The following GLIS3 variants were observed in gnomAD, a reference collection of about 807,000 sequenced individuals.
GLIS3 encodes GLIS family zinc finger 3.
A neutral mutation model predicts 78.6 loss-of-function variants in GLIS3; 53 were observed. The ratio of observed to expected loss-of-function variants is 0.67; its 90% CI spans 0.54 to 0.85. GLIS3 has a LOEUF of 0.85. Among genes scored for constraint, GLIS3 ranks in the 40% least tolerant of loss-of-function variants. The pLI, the probability that GLIS3 is intolerant of heterozygous loss-of-function variation, is 0.00. For missense variants in GLIS3, 1,703 were observed against 1,231.1 expected, an observed-to-expected ratio of 1.38 and a Z score of -5.74; for synonymous variants, 684 against 509.9, an observed-to-expected ratio of 1.34 and a Z score of -4.60.
At chr9:4,275,736 C>T (rs930636896) in intron 2 of GLIS3, among the ~76,000 whole-genome samples, 1 of 152,004 alleles carries the variant, frequency 6.6e-6, no homozygotes, top group African/African-American at 2.4e-5. Flanking sequence ...GCACTCTGGC[C>T]TGGGGGACAG....
rs1829691004 is a variant in GLIS3 at position 4,093,458 on chromosome 9, G to A, written c.1710+24310C>T. Among the ~76,000 whole-genome samples the A allele has an allele frequency of 2.0e-5, 3 of 152,288 alleles. 1 individual carries two copies. The South Asian group carries it at 6.2e-4, about 32-fold the overall frequency. ...CGGTACTTCCTCCCTCGGGTTGGCA[G>A]GGGCTATTCAGCCAAAGCCTGAACA... On this transcript the variant is annotated intron_variant, in intron 4 of 10. Coordinates refer to ENST00000381971, the MANE Select transcript of GLIS3 (RefSeq NM_001042413.2).
intron 2 of GLIS3, among the ~76,000 whole-genome samples, chr9:4,271,812 T>C (rs1370592671): frequency 6.6e-6 from 1 of 152,122 alleles, no homozygotes; most frequent in Non-Finnish European, 1.5e-5. Context: ...CTCTCTGACA[T>C]CCCAACAGTA....
At chr9:4,460,113 G>T in the GLIS3 span, among the ~76,000 whole-genome samples, 3 of 152,010 alleles carry the variant, frequency 2.0e-5, no homozygotes, top group Non-Finnish European at 4.4e-5. Context: ...AGCAATTATG[G>T]CCATGAGGAA....
At chr9:4,055,853 T>C (rs1003418709) in intron 4 of GLIS3, among the ~76,000 whole-genome samples, 2 of 152,214 alleles carry the variant, frequency 1.3e-5, no homozygotes, top group South Asian at 2.1e-4. Context: ...CTCCTCTTCC[T>C]TTCTTAGAAC....
At chr9:4,078,926 G>GA (rs1261740699) in intron 4 of GLIS3, among the ~76,000 whole-genome samples, 3 of 151,998 alleles carry the variant, frequency 2.0e-5, no homozygotes, top group Middle Eastern at 3.2e-3. Context: ...CACAACATCA[G>GA]AAAAATGATT....
At chr9:4,368,936 T>C in the GLIS3 span, among the ~76,000 whole-genome samples, 1 of 152,218 alleles carries the variant, frequency 6.6e-6, no homozygotes, top group Non-Finnish European at 1.5e-5. Flanking sequence ...AATCTAAACC[T>C]GGTTTATGTT....
At chr9:4,075,625 T>C (rs1827982920) in intron 4 of GLIS3, among the ~76,000 whole-genome samples, 1 of 152,080 alleles carries the variant, frequency 6.6e-6, no homozygotes, top group Admixed American at 6.6e-5. Context: ...GATCAATATA[T>C]AGCCTAGACA....
the GLIS3 span, among the ~76,000 whole-genome samples, chr9:4,388,200 C>A: frequency 9.2e-5 from 14 of 152,228 alleles, no homozygotes; most frequent in African/African-American, 3.4e-4. Flanking sequence ...CATAACAGAC[C>A]CCTTTTCCAC....
intron 2 of GLIS3, among the ~76,000 whole-genome samples, chr9:4,180,655 G>A (rs1391734133): frequency 6.6e-6 from 1 of 152,090 alleles, no homozygotes; most frequent in Non-Finnish European, 1.5e-5. Context: ...ATCTTAAAAG[G>A]GGGTAGCATA....
At chr9:3,843,500 A>C (rs1401573423) in intron 9 of GLIS3, among the ~76,000 whole-genome samples, 2 of 152,116 alleles carry the variant, frequency 1.3e-5, no homozygotes, top group Non-Finnish European at 2.9e-5. Flanking sequence ...GACATACATC[A>C]CTGGATCCCG....
At chr9:4,482,273 A>T in the GLIS3 span, among the ~76,000 whole-genome samples, 1 of 152,244 alleles carries the variant, frequency 6.6e-6, no homozygotes, top group Non-Finnish European at 1.5e-5. Flanking sequence ...CAAGAGTTCA[A>T]GGTCATATAA....
chr9:4,452,045 C>G, the GLIS3 span, among the ~76,000 whole-genome samples: 129 of 152,052 alleles, frequency 8.5e-4, 1 homozygote, highest in Middle Eastern at 0.02. Flanking sequence ...TGTAATCCAT[C>G]ACATAAACAG....
intron 2 of GLIS3, among the ~76,000 whole-genome samples, chr9:4,138,959 T>C (rs1833608450): frequency 6.6e-6 from 1 of 152,192 alleles, no homozygotes. Flanking sequence ...GATAACAGTC[T>C]ATTTCCAGTA....
chr9:4,053,350 CCT>C (rs1404108995), intron 4 of GLIS3, among the ~76,000 whole-genome samples: 1 of 152,156 alleles, frequency 6.6e-6, no homozygotes. Flanking sequence ...CTGACCACCT[CCT>C]GAGACAGAAC....
chr9:4,233,630 G>C (rs1822464951), intron 2 of GLIS3, among the ~76,000 whole-genome samples: 1 of 152,132 alleles, frequency 6.6e-6, no homozygotes, highest in African/African-American at 2.4e-5. Context: ...AATTCTTAAA[G>C]GCCCTAGGAT....
chr9:4,284,490 T>C (rs1827813871), intron 2 of GLIS3, among the ~76,000 whole-genome samples: 2 of 152,096 alleles, frequency 1.3e-5, no homozygotes, highest in African/African-American at 2.4e-5. Context: ...AACCTGACAA[T>C]GAGCAACCTA....
At chr9:4,321,262 T>A in intron 2 of GLIS3, among the ~76,000 whole-genome samples, 1 of 126,292 alleles carries the variant, frequency 7.9e-6, no homozygotes. Context: ...CTACTAAAAA[T>A]ACAAAAAAAA....
intron 4 of GLIS3, among the ~76,000 whole-genome samples, chr9:3,970,834 C>T (rs1818324501): frequency 6.6e-6 from 1 of 151,964 alleles, no homozygotes; most frequent in Non-Finnish European, 1.5e-5. Flanking sequence ...GATGAGTATT[C>T]CCAAAGTTAA....
chr9:3,867,058 A>G (rs1292069945), intron 8 of GLIS3, among the ~76,000 whole-genome samples: 1 of 152,242 alleles, frequency 6.6e-6, no homozygotes, highest in East Asian at 1.9e-4. Flanking sequence ...AGTGTTTGGG[A>G]AAAGGGAAGA....
Sources: gnomAD v4.1 joint callset for allele counts (sites outside exome capture counted in the v4.1 genomes callset) on GRCh38, gnomAD v4.1.1 for gene constraint, MANE v1.5 for transcripts, NCBI Gene and HGNC (gene_info 2026-07-23, HGNC 2026-07-21) for gene names.